Variants in PTPRD observed in about 807,000 individuals in gnomAD.
PTPRD encodes the protein receptor-type tyrosine-protein phosphatase delta.
In PTPRD, 34 loss-of-function variants were observed where a neutral mutation model predicts 214.5. That is an observed-to-expected ratio of 0.16 (90% CI 0.12 to 0.21). The LOEUF is 0.21. Ranked by LOEUF, PTPRD falls within the 10% of genes least tolerant of loss-of-function variation. The pLI is 1.00. For missense variants in PTPRD, 2,545 were observed against 2,398.7 expected, an observed-to-expected ratio of 1.06 and a Z score of -1.27; for synonymous variants, 1,128 against 845.7, an observed-to-expected ratio of 1.33 and a Z score of -5.79.
chr9:9,305,752 C>T (rs913293734), intron 9 of PTPRD, among the ~76,000 whole-genome samples: 4 of 151,872 alleles, frequency 2.6e-5, no homozygotes, highest in Non-Finnish European at 5.9e-5. Context: ...GATGTAGAGA[C>T]ACAAAAAAGA....
intron 5 of PTPRD, among the ~76,000 whole-genome samples, chr9:9,801,109 A>G (rs1398039386): frequency 6.6e-6 from 1 of 152,180 alleles, no homozygotes; most frequent in Non-Finnish European, 1.5e-5. Context: ...GTCATCTTAT[A>G]TCAAAAGTAA....
At chr9:9,739,212 T>A (rs1004254321) in intron 6 of PTPRD, among the ~76,000 whole-genome samples, 1 of 152,190 alleles carries the variant, frequency 6.6e-6, no homozygotes, top group African/African-American at 2.4e-5. Flanking sequence ...AGACCACAAA[T>A]ACAACACTGA....
At chr9:9,058,298 G>A (rs1309665060) in intron 10 of PTPRD, among the ~76,000 whole-genome samples, 3 of 152,058 alleles carry the variant, frequency 2.0e-5, no homozygotes, top group South Asian at 2.1e-4. Context: ...AACCCATGAA[G>A]CATAAAAGGA....
intron 3 of PTPRD, among the ~76,000 whole-genome samples, chr9:10,133,285 A>G (rs2098915578): frequency 6.6e-6 from 1 of 152,166 alleles, no homozygotes; most frequent in Non-Finnish European, 1.5e-5. Flanking sequence ...CAAATGTCAG[A>G]AAGAAAATAA....
At chr9:9,029,254 A>G (rs1389526332) in intron 10 of PTPRD, among the ~76,000 whole-genome samples, 1 of 151,914 alleles carries the variant, frequency 6.6e-6, no homozygotes, top group Non-Finnish European at 1.5e-5. Flanking sequence ...TTATATTTCT[A>G]TTGGACAGTG....
At chr9:9,214,459 C>A (rs764209507) in intron 9 of PTPRD, among the ~76,000 whole-genome samples, 2 of 151,060 alleles carry the variant, frequency 1.3e-5, no homozygotes, top group Non-Finnish European at 2.9e-5. Flanking sequence ...GACTGTTAAA[C>A]GTTAAAGCAG....
intron 35 of PTPRD, among the ~76,000 whole-genome samples, chr9:8,432,577 C>A (rs2095126737): frequency 6.6e-6 from 1 of 152,154 alleles, no homozygotes; most frequent in African/African-American, 2.4e-5. Context: ...AGTGATTATG[C>A]CAAAATAATC....
Position 8,916,709 on chromosome 9 carries a change from TTGAA to T in PTPRD, c.-104+101984_-104+101987del, listed in dbSNP as rs2098788609. Among the ~76,000 whole-genome samples, 3 of 152,320 alleles carry T rather than the reference TTGAA, an allele frequency of 2.0e-5. No individual in the cohort carries two copies. The South Asian group carries it at 6.2e-4, about 32-fold the overall frequency. On this transcript the variant is annotated intron_variant, in intron 11 of 45. Coordinates refer to ENST00000381196, the MANE Select transcript of PTPRD (RefSeq NM_002839.4). ...CTCACATAGTGCTCAAAAAATGCAT[TTGAA>T]TGAATACTTCCTTGAATGCCTGACA...
At chr9:9,362,650 G>C (rs1379464893) in intron 9 of PTPRD, among the ~76,000 whole-genome samples, 2 of 151,120 alleles carry the variant, frequency 1.3e-5, no homozygotes. Flanking sequence ...ACAATTTTTA[G>C]TTGACTCTCA....
chr9:8,356,553 G>C (rs1028934747), intron 39 of PTPRD, among the ~76,000 whole-genome samples: 11 of 152,178 alleles, frequency 7.2e-5, no homozygotes, highest in African/African-American at 2.7e-4. Flanking sequence ...TGCAGGTACA[G>C]CTGGGAAAAC....
chr9:10,577,658 A>G (rs2069919992), intron 2 of PTPRD, among the ~76,000 whole-genome samples: 1 of 152,200 alleles, frequency 6.6e-6, no homozygotes, highest in African/African-American at 2.4e-5. Context: ...GCAGTAGGAA[A>G]CTAACACACT....
chr9:10,066,337 G>A (rs377060174), intron 3 of PTPRD, among the ~76,000 whole-genome samples: 28 of 151,484 alleles, frequency 1.8e-4, no homozygotes, highest in African/African-American at 9.7e-5. Context: ...TTTAACACCC[G>A]TTTCAATGGA....
chr9:10,511,901 T>A (rs567478437), intron 2 of PTPRD, among the ~76,000 whole-genome samples: 2 of 136,232 alleles, frequency 1.5e-5, no homozygotes, highest in South Asian at 4.5e-4. Context: ...CACATATATA[T>A]ACATATATAT....
chr9:10,062,900 A>G (rs948282702), intron 3 of PTPRD, among the ~76,000 whole-genome samples: 1 of 152,046 alleles, frequency 6.6e-6, no homozygotes, highest in African/African-American at 2.4e-5. Context: ...CTGTTAATGA[A>G]TTAGTTGAGA....
rs578163784 is a variant in PTPRD, at chr9:8,786,564, G to A, written c.-103-52618C>T. The stretch of plus-strand genomic sequence containing the variant: ...TGAGTAGCTGGGATTACAGGCGCCC[G>A]CCACCACGCCCGGCTAATTTTTGTA... On this transcript the variant is annotated intron_variant, in intron 11 of 45. Coordinates refer to ENST00000381196, the MANE Select transcript of PTPRD (RefSeq NM_002839.4). 4.6e-5 allele frequency among the ~76,000 whole-genome samples: 7 copies of A among 151,738 alleles called. No homozygotes were observed. In the South Asian group the frequency reaches 6.3e-4, roughly 14 times the overall value.
chr9:8,525,633 T>G (rs1052283643), intron 17 of PTPRD, among the ~76,000 whole-genome samples: 9 of 152,162 alleles, frequency 5.9e-5, no homozygotes, highest in African/African-American at 2.2e-4. Context: ...TTTCCACGAC[T>G]TACAATCATT....
At chr9:9,579,904 C>G (rs1252437546) in intron 7 of PTPRD, among the ~76,000 whole-genome samples, 1 of 152,088 alleles carries the variant, frequency 6.6e-6, no homozygotes, top group Non-Finnish European at 1.5e-5. Flanking sequence ...AGCTCTAAGT[C>G]CATATGAACA....
chr9:8,691,025 A>G (rs1035372688), intron 12 of PTPRD, among the ~76,000 whole-genome samples: 1 of 152,184 alleles, frequency 6.6e-6, no homozygotes, highest in Admixed American at 6.5e-5. Flanking sequence ...GTGAAAGAAA[A>G]AATTATCTTT....
intron 35 of PTPRD, among the ~76,000 whole-genome samples, chr9:8,405,152 C>A (rs2092839774): frequency 6.6e-6 from 1 of 152,084 alleles, no homozygotes; most frequent in South Asian, 2.1e-4. Flanking sequence ...AACTTAATGG[C>A]AACTTAAGGT....
Sources: gnomAD v4.1 joint callset for allele counts (sites outside exome capture counted in the v4.1 genomes callset) on GRCh38, gnomAD v4.1.1 for gene constraint, MANE v1.5 for transcripts, NCBI Gene and HGNC (gene_info 2026-07-23, HGNC 2026-07-21) for gene names.